The following ANXA8 variants were observed in gnomAD, a reference collection of about 807,000 sequenced individuals.
ANXA8 encodes the protein VAC-beta.
ANXA8 carries 9 observed loss-of-function variants against 26.8 expected under a neutral mutation model. The ratio of observed to expected loss-of-function variants is 0.34; its 90% CI spans 0.20 to 0.59. ANXA8 has a LOEUF of 0.59. Ranked by LOEUF, ANXA8 falls within the 20% of genes least tolerant of loss-of-function variation. ANXA8 has a pLI of 0.84. For missense variants in ANXA8, 83 were observed against 238.5 expected, an observed-to-expected ratio of 0.35 and a Z score of 4.29; for synonymous variants, 39 against 94.8, an observed-to-expected ratio of 0.41 and a Z score of 3.42.
the ANXA8 span, among the ~76,000 whole-genome samples, chr10:47,533,218 C>CACACACACACAT: frequency 1.8e-5 from 2 of 112,248 alleles, no homozygotes; most frequent in South Asian, 2.6e-4. Context: ...CACACACACA[C>CACACACACACAT]ACACACCCCC....
chr10:47,979,472 A>G, the ANXA8 span, among the ~76,000 whole-genome samples: 2 of 151,572 alleles, frequency 1.3e-5, no homozygotes, highest in African/African-American at 4.8e-5. Context: ...ACGTTACATT[A>G]CATGACAAAA....
At chr10:47,495,077 C>T in the ANXA8 span, among the ~76,000 whole-genome samples, 3,702 of 150,106 alleles carry the variant, frequency 0.025, 102 homozygotes, top group African/African-American at 0.087. Flanking sequence ...CTCTCTCTCT[C>T]CCACCTCCTA....
chr10:47,590,652 A>G, the ANXA8 span, among the ~76,000 whole-genome samples: 103 of 146,008 alleles, frequency 7.1e-4, 3 homozygotes, highest in Non-Finnish European at 7.8e-4. Context: ...TCTTCTAGAG[A>G]CCACTCTAGT....
chr10:47,541,553 C>T, the ANXA8 span, among the ~76,000 whole-genome samples: 36 of 108,848 alleles, frequency 3.3e-4, no homozygotes, highest in East Asian at 3.4e-3. Context: ...ACACTCATTA[C>T]GTCAGGCACT....
At chr10:47,778,947 T>C in the ANXA8 span, among the ~76,000 whole-genome samples, 2 of 151,324 alleles carry the variant, frequency 1.3e-5, no homozygotes, top group Admixed American at 1.3e-4. Flanking sequence ...TGATGGCTGA[T>C]TTCTGCCTAC....
chr10:47,632,727 G>A, the ANXA8 span, among the ~76,000 whole-genome samples: 1 of 147,434 alleles, frequency 6.8e-6, no homozygotes, highest in Non-Finnish European at 1.5e-5. Context: ...TATTTCTAAT[G>A]TACATTTTTG....
the ANXA8 span, among the ~76,000 whole-genome samples, chr10:47,954,190 C>T: frequency 7.3e-5 from 11 of 150,534 alleles, no homozygotes; most frequent in East Asian, 8.2e-4. Context: ...TACATATATA[C>T]GATGGAGTAC....
the ANXA8 span, among the ~76,000 whole-genome samples, chr10:47,947,900 G>A: frequency 6.6e-6 from 1 of 150,900 alleles, no homozygotes; most frequent in African/African-American, 2.5e-5. Flanking sequence ...TGGGCAAAGG[G>A]TGATTGGAAA....
At chr10:47,645,546 AAAG>A in the ANXA8 span, among the ~76,000 whole-genome samples, 2 of 151,146 alleles carry the variant, frequency 1.3e-5, no homozygotes, top group Admixed American at 6.6e-5. Flanking sequence ...AAAGAAAGAG[AAAG>A]AAGAAGAAAA....
At chr10:47,650,721 G>C in the ANXA8 span, among the ~76,000 whole-genome samples, 11 of 147,104 alleles carry the variant, frequency 7.5e-5, no homozygotes, top group Middle Eastern at 3.5e-3. Flanking sequence ...GCAGGAGAAT[G>C]GTTTAAACCC....
the ANXA8 span, among the ~76,000 whole-genome samples, chr10:47,570,691 T>C: frequency 5.4e-4 from 82 of 150,718 alleles, no homozygotes; most frequent in Non-Finnish European, 1.1e-3. Context: ...GAGGATCCCT[T>C]AAGCCTGGGA....
At chr10:47,699,598 G>A in the ANXA8 span, among the ~76,000 whole-genome samples, 2 of 151,456 alleles carry the variant, frequency 1.3e-5, no homozygotes, top group Non-Finnish European at 2.9e-5. Flanking sequence ...AGATGAAAGT[G>A]GGTGGACAGC....
chr10:47,667,088 GTC>G, the ANXA8 span, among the ~76,000 whole-genome samples: 1 of 151,988 alleles, frequency 6.6e-6, no homozygotes, highest in East Asian at 1.9e-4. Context: ...ACATGGAGTA[GTC>G]TCTGTTTTCT....
At chr10:47,565,137 T>G in the ANXA8 span, 1 of 750,200 alleles carries the variant, frequency 1.3e-6, no homozygotes, top group African/African-American at 1.7e-5. Flanking sequence ...CTGGGCCAGC[T>G]GCTGGAGGAC....
chr10:47,549,181 T>C, the ANXA8 span: 1 of 643,552 alleles, frequency 1.6e-6, no homozygotes, highest in Non-Finnish European at 2.8e-6. Context: ...ATCTACTATA[T>C]CCCTGATAAT....
At chr10:47,610,542 T>A in the ANXA8 span, among the ~76,000 whole-genome samples, 1 of 84,484 alleles carries the variant, frequency 1.2e-5, no homozygotes, top group East Asian at 2.4e-4. Context: ...CTGCCTAAAT[T>A]TTTGACCCAT....
chr10:47,985,736 TA>T, the ANXA8 span: 92,550 of 140,136 alleles, frequency 0.66, 30,132 homozygotes, highest in South Asian at 0.75. Context: ...AAGCAACTAT[TA>T]AAAAAAAAAA....
the ANXA8 span, among the ~76,000 whole-genome samples, chr10:47,680,597 C>T: frequency 1.3e-5 from 2 of 151,038 alleles, no homozygotes; most frequent in Non-Finnish European, 2.9e-5. Flanking sequence ...ATTGCGCCAT[C>T]GCACTCCAGC....
At chr10:47,515,904 G>A in the ANXA8 span, among the ~76,000 whole-genome samples, 17 of 112,080 alleles carry the variant, frequency 1.5e-4, no homozygotes, top group African/African-American at 4.8e-4. Context: ...GCAGGCCAGG[G>A]ACCACCACAC....
Sources: gnomAD v4.1 joint callset for allele counts (sites outside exome capture counted in the v4.1 genomes callset) on GRCh38, gnomAD v4.1.1 for gene constraint, MANE v1.5 for transcripts, NCBI Gene and HGNC (gene_info 2026-07-23, HGNC 2026-07-21) for gene names.